The following HGSNAT variants were observed in gnomAD, a reference collection of about 807,000 sequenced individuals.
The protein encoded by HGSNAT is transmembrane protein 76.
Under a neutral mutation model 85.2 loss-of-function variants are expected in HGSNAT, and 59 were observed. The ratio of observed to expected loss-of-function variants is 0.69; its 90% CI spans 0.56 to 0.86. The LOEUF is 0.86. Ranked by LOEUF, HGSNAT falls within the 40% of genes least tolerant of loss-of-function variation. HGSNAT has a pLI of 0.00. For synonymous variants in HGSNAT, 321 were observed against 304.5 expected, an observed-to-expected ratio of 1.05 and a Z score of -0.56; for missense variants, 756 against 777.1, an observed-to-expected ratio of 0.97 and a Z score of 0.32.
At position 43,146,142 on chromosome 8, in the gene HGSNAT, G is replaced by A. The variant is rs143763243; in HGVS notation, c.119-806G>A. On this transcript the variant is annotated intron_variant, in intron 1 of 17. Transcript: ENST00000379644. ...GTGAGCTGTGTGAGTTTCTGGATTG[G>A]GGCATGCTCCCAATCCAGGATTCAC... is the stretch of plus-strand genomic sequence containing the variant. Among the ~76,000 whole-genome samples the A allele has an allele frequency of 1.3e-3, 200 of 152,076 alleles. 1 individual carries two copies. The highest frequency in any genetic ancestry group is 0.011 in the South Asian group (53 of 4,806).
intron 5 of HGSNAT, among the ~76,000 whole-genome samples, chr8:43,166,414 A>G (rs1160135064): frequency 6.6e-6 from 1 of 152,132 alleles, no homozygotes; most frequent in African/African-American, 2.4e-5. Context: ...GGTGACTTTA[A>G]GTTGAAGCCA....
chr8:43,167,112 C>A (rs1215703366), intron 5 of HGSNAT, among the ~76,000 whole-genome samples: 2 of 152,164 alleles, frequency 1.3e-5, no homozygotes, highest in African/African-American at 2.4e-5. Flanking sequence ...TATAGATGAG[C>A]AAAGGAAGTG....
At chr8:43,155,898 A>C (rs867175806) in intron 2 of HGSNAT, among the ~76,000 whole-genome samples, 25 of 151,014 alleles carry the variant, frequency 1.7e-4, no homozygotes, top group African/African-American at 6.1e-4. Context: ...CTGGAGTGCA[A>C]TGGCACATCT....
chr8:43,155,000 G>T (rs1019343170), intron 2 of HGSNAT, among the ~76,000 whole-genome samples: 25 of 152,232 alleles, frequency 1.6e-4, no homozygotes, highest in African/African-American at 6.0e-4. Context: ...CTTTTGAGAA[G>T]TGTCTGTTCA....
chr8:43,178,109 C>T lies in HGSNAT; in HGVS notation c.887C>T (p.Ser296Leu), dbSNP rs372933126. 8.1e-5 allele frequency: 131 copies of T among 1,612,658 alleles called. 1 individual carries two copies. In the South Asian group the frequency reaches 1.3e-3, roughly 15 times the overall value. ...ATTATGGGATCTTCCATTTTTCTATCGATGACTTCTATACTGCAACGGGGG... is the reference window on the plus strand; with the variant it reads ...ATTATGGGATCTTCCATTTTTCTATTGATGACTTCTATACTGCAACGGGGG... The part of the protein sequence containing the change: ...VFIMGSSIFL[S>L]MTSILQRGCS... The change falls in exon 10 of 18, where the codon TCG (serine) becomes TTG (leucine). Residue 296 changes from serine to leucine, a missense_variant. Physicochemically the swap from Ser to Leu is moderately radical, Grantham distance 145 (BLOSUM62 -2). Coordinates refer to ENST00000379644, the MANE Select transcript of HGSNAT (RefSeq NM_152419.3).
intron 2 of HGSNAT, among the ~76,000 whole-genome samples, chr8:43,156,811 A>T (rs1297570540): frequency 6.6e-6 from 1 of 152,062 alleles, no homozygotes; most frequent in Non-Finnish European, 1.5e-5. Context: ...CTTAAAGTCT[A>T]TGTCTTTTGT....
chr8:43,178,634 T>G (rs1374438687), intron 10 of HGSNAT, among the ~76,000 whole-genome samples: 1 of 149,370 alleles, frequency 6.7e-6, no homozygotes, highest in East Asian at 1.9e-4. Flanking sequence ...TATTTATTTT[T>G]TATTGATCAT....
chr8:43,187,058 C>G (rs1237653404), intron 11 of HGSNAT, among the ~76,000 whole-genome samples: 1 of 152,150 alleles, frequency 6.6e-6, no homozygotes, highest in African/African-American at 2.4e-5. Flanking sequence ...TGCTTTACTT[C>G]CAACTATGTG....
intron 1 of HGSNAT, among the ~76,000 whole-genome samples, chr8:43,145,755 A>G (rs974149559): frequency 6.6e-6 from 1 of 152,102 alleles, no homozygotes; most frequent in South Asian, 2.1e-4. Flanking sequence ...CATTTAAAAA[A>G]AAAAGAAAGA....
chr8:43,140,477 C>T lies in HGSNAT; in HGVS notation c.-20C>T, dbSNP rs1802474081. 1.0e-6 allele frequency: 1 copy of T among 970,272 alleles called. No individual in the cohort carries two copies. The highest frequency in any genetic ancestry group is 1.2e-6 in the Non-Finnish European group (1 of 814,112). The allele number at this position is 970,272 out of a possible 1,614,324, so 60.1% of individuals were successfully genotyped here. A position where few individuals can be genotyped will look rare whatever the true frequency, so the allele number is the denominator to read the frequency against. Reference sequence around the variant, plus strand: ...GCGGGGCGCAGCGGGCAGGCAAGGGCGGCCGAGCGGGCGGCGGGCATGAGC... The same window carrying T: ...GCGGGGCGCAGCGGGCAGGCAAGGGTGGCCGAGCGGGCGGCGGGCATGAGC... On this transcript the variant is annotated 5_prime_UTR_variant, in exon 1 of 18. Transcript: ENST00000379644.
intron 12 of HGSNAT, among the ~76,000 whole-genome samples, chr8:43,192,032 G>A (rs948818816): frequency 6.6e-6 from 1 of 152,066 alleles, no homozygotes; most frequent in Non-Finnish European, 1.5e-5. Context: ...AGGTTCAAGC[G>A]ATTCTCCTGC....
intron 13 of HGSNAT, among the ~76,000 whole-genome samples, chr8:43,193,501 C>T (rs544768990): frequency 2.0e-5 from 3 of 152,292 alleles, no homozygotes; most frequent in Non-Finnish European, 2.9e-5. Context: ...TTGCTGCCCC[C>T]GCTGCAATCA....
At chr8:43,166,774 A>G (rs1360643949) in intron 5 of HGSNAT, among the ~76,000 whole-genome samples, 1 of 152,220 alleles carries the variant, frequency 6.6e-6, no homozygotes, top group African/African-American at 2.4e-5. Flanking sequence ...ATAGGTTTTT[A>G]TAAAGCCGTA....
chr8:43,149,572 C>A (rs1047709789), intron 2 of HGSNAT, among the ~76,000 whole-genome samples: 1 of 151,458 alleles, frequency 6.6e-6, no homozygotes, highest in East Asian at 2.0e-4. Flanking sequence ...TGGTGGCGGG[C>A]GCCTGTAGTC....
rs186803725 is a variant in HGSNAT, at chr8:43,160,795, C to G, written c.494-643C>G. On this transcript the variant is annotated intron_variant, in intron 4 of 17. Transcript: ENST00000379644. ...AGGTAGGATCCCACACTGCATTTAG[C>G]TTTCAGATCTCCTTTGTCTCCTCCA... is the stretch of plus-strand genomic sequence containing the variant. 7.4e-4 allele frequency among the ~76,000 whole-genome samples: 113 copies of G among 152,320 alleles called. 1 individual carries two copies. The highest frequency in any genetic ancestry group is 2.9e-4 in the Non-Finnish European group (20 of 68,020).
In HGSNAT at chr8:43,191,463, C is replaced by T. The variant is rs1198261593; in HGVS notation, c.1129-11C>T. ...AGTTCACCCGTGTTTTATTTTTCTGCCCCCACTCAGGAGAGGAGCTGCCTT... is the reference window on the plus strand; with the variant it reads ...AGTTCACCCGTGTTTTATTTTTCTGTCCCCACTCAGGAGAGGAGCTGCCTT... On this transcript the variant is annotated splice_polypyrimidine_tract_variant and intron_variant, in intron 11 of 17. Transcript: ENST00000379644. 3.1e-6 allele frequency: 5 copies of T among 1,610,070 alleles called. No individual in the cohort carries two copies. Among genetic ancestry groups the T allele is most frequent in the Non-Finnish European group, 3.4e-6 (4 of 1,176,730 alleles).
intron 11 of HGSNAT, among the ~76,000 whole-genome samples, chr8:43,184,498 G>A (rs1246761762): frequency 6.6e-6 from 1 of 152,140 alleles, no homozygotes; most frequent in Non-Finnish European, 1.5e-5. Flanking sequence ...ATTTCTTCTT[G>A]TAAATTTGTT....
intron 5 of HGSNAT, 150 bp downstream of exon 5, chr8:43,161,657 A>G: frequency 2.0e-6 from 1 of 494,032 alleles, no homozygotes; most frequent in African/African-American, 2.0e-5. Flanking sequence ...GGCTTCAGGG[A>G]CTCATGTAGA....
intron 11 of HGSNAT, among the ~76,000 whole-genome samples, chr8:43,184,429 GTCT>G (rs1563377565): frequency 6.6e-6 from 1 of 152,154 alleles, no homozygotes. Flanking sequence ...CTGCATAAAT[GTCT>G]TCTTTTGAGA....
Sources: allele counts gnomAD v4.1 joint callset (sites outside exome capture counted in the v4.1 genomes callset), GRCh38; gene constraint gnomAD v4.1.1; transcripts MANE v1.5; gene names NCBI Gene and HGNC (gene_info 2026-07-23, HGNC 2026-07-21).